Variants in CLASP2 observed in about 807,000 individuals in gnomAD.
CLASP2 encodes the protein cytoplasmic linker associated protein 2.
A neutral mutation model predicts 194.4 loss-of-function variants in CLASP2; 47 were observed. The ratio of observed to expected loss-of-function variants is 0.24; its 90% CI spans 0.19 to 0.31. The LOEUF is 0.31. Ranked by LOEUF, CLASP2 falls within the 10% of genes least tolerant of loss-of-function variation. CLASP2 has a pLI of 1.00. For missense variants in CLASP2, 1,445 were observed against 1,823.6 expected, an observed-to-expected ratio of 0.79 and a Z score of 3.78; for synonymous variants, 619 against 633.5, an observed-to-expected ratio of 0.98 and a Z score of 0.34.
chr3:33,501,502 A>C lies in CLASP2; in HGVS notation c.4434+150T>G, dbSNP rs1396363539. 4 of 561,766 alleles carry C rather than the reference A, an allele frequency of 7.1e-6. No homozygotes were observed. In the East Asian group the frequency reaches 1.2e-4, roughly 17 times the overall value. 34.8% of individuals were successfully genotyped at this position (561,766 alleles called of 1,614,324 possible). ...ACAAATGTTAGAGTAGAAAAAGATAAAATACAAAACAGAAATAATAAGGGC... is the reference window on the plus strand; with the variant it reads ...ACAAATGTTAGAGTAGAAAAAGATACAATACAAAACAGAAATAATAAGGGC... On this transcript the variant is annotated intron_variant, in intron 38 of 38. Coordinates refer to ENST00000682230, the MANE Select transcript of CLASP2 (RefSeq NM_001365631.1).
intron 6 of CLASP2, among the ~76,000 whole-genome samples, chr3:33,666,348 ATT>A (rs2086172422): frequency 6.6e-6 from 1 of 152,176 alleles, no homozygotes; most frequent in Non-Finnish European, 1.5e-5. Context: ...ATTAGCAATC[ATT>A]CCCCATTTAC....
chr3:33,608,680 C>T, intron 13 of CLASP2, 54 bp from the exon 14 acceptor site: 1 of 1,156,004 alleles, frequency 8.7e-7, no homozygotes, highest in Non-Finnish European at 1.2e-6. Context: ...AATACATTAA[C>T]ACTTTCTTTT....
chr3:33,516,540 G>A (rs1412030876), intron 35 of CLASP2, among the ~76,000 whole-genome samples: 1 of 152,030 alleles, frequency 6.6e-6, no homozygotes, highest in African/African-American at 2.4e-5. Context: ...GGTGGCACGT[G>A]CTTATAATCC....
intron 6 of CLASP2, among the ~76,000 whole-genome samples, chr3:33,667,732 G>A (rs2086451672): frequency 1.3e-5 from 2 of 152,058 alleles, no homozygotes; most frequent in African/African-American, 2.4e-5. Context: ...AAGCACCACT[G>A]CTGAAAACAC....
intron 29 of CLASP2, among the ~76,000 whole-genome samples, chr3:33,554,116 T>A (rs1279946160): frequency 6.6e-6 from 1 of 151,236 alleles, no homozygotes; most frequent in Non-Finnish European, 1.5e-5. Flanking sequence ...TAATCCCAGC[T>A]ACTCGGGAGG....
At chr3:33,554,369 C>A (rs1308920168) in intron 29 of CLASP2, among the ~76,000 whole-genome samples, 3 of 152,012 alleles carry the variant, frequency 2.0e-5, no homozygotes, top group Admixed American at 2.0e-4. Context: ...CGAAGATGAA[C>A]CTGGAGGACA....
At chr3:33,524,499 C>T (rs1392620765) in intron 34 of CLASP2, among the ~76,000 whole-genome samples, 1 of 151,732 alleles carries the variant, frequency 6.6e-6, no homozygotes, top group Non-Finnish European at 1.5e-5. Flanking sequence ...AAAATACATA[C>T]AATTAGCCAG....
At chr3:33,605,629 G>GT (rs2073639819) in intron 16 of CLASP2, among the ~76,000 whole-genome samples, 1 of 152,000 alleles carries the variant, frequency 6.6e-6, no homozygotes, top group Admixed American at 6.6e-5. Flanking sequence ...TTACAGAGAA[G>GT]TTTTTTGGAA....
intron 8 of CLASP2, among the ~76,000 whole-genome samples, chr3:33,639,962 G>C (rs2080984208): frequency 6.6e-6 from 1 of 152,200 alleles, no homozygotes; most frequent in Admixed American, 6.5e-5. Flanking sequence ...ATAACCATGT[G>C]ATCTTGGGCA....
chr3:33,586,863 C>CA (rs1256027445), intron 21 of CLASP2, among the ~76,000 whole-genome samples: 1 of 151,778 alleles, frequency 6.6e-6, no homozygotes, highest in Non-Finnish European at 1.5e-5. Flanking sequence ...CACAGGATGT[C>CA]AAAAAAGAGA....
At chr3:33,644,725 T>TG (rs748371826) in intron 8 of CLASP2, 32 bp downstream of exon 8, 1 of 1,611,252 alleles carries the variant, frequency 6.2e-7, no homozygotes, top group African/African-American at 1.3e-5. Context: ...GCATGGAGCA[T>TG]GCATAACAGA....
chr3:33,675,972 T>C (rs1445187039), intron 6 of CLASP2, among the ~76,000 whole-genome samples: 1 of 151,128 alleles, frequency 6.6e-6, no homozygotes, highest in Non-Finnish European at 1.5e-5. Flanking sequence ...TGCTCATGGG[T>C]AGGAAGAATC....
intron 22 of CLASP2, among the ~76,000 whole-genome samples, chr3:33,582,518 G>C (rs983576819): frequency 6.6e-6 from 1 of 152,040 alleles, no homozygotes; most frequent in African/African-American, 2.4e-5. Context: ...AATTAGCTGG[G>C]GATGGTGGCA....
chr3:33,589,289 A>G (rs2068125745), intron 21 of CLASP2, among the ~76,000 whole-genome samples: 1 of 152,118 alleles, frequency 6.6e-6, no homozygotes, highest in South Asian at 2.1e-4. Context: ...ATATAGATCT[A>G]GTGCTCTCTC....
At chr3:33,551,944 T>G (rs111901348) in intron 29 of CLASP2, among the ~76,000 whole-genome samples, 2 of 151,556 alleles carry the variant, frequency 1.3e-5, no homozygotes, top group South Asian at 2.1e-4. Context: ...ATATAGTTTT[T>G]TTTTTTTTTT....
chr3:33,551,486 A>T (rs2059995201), intron 29 of CLASP2, 91 bp from the exon 30 acceptor site: 23 of 1,055,358 alleles, frequency 2.2e-5, no homozygotes, highest in Admixed American at 2.9e-5. Flanking sequence ...GATGATGATG[A>T]TTTTTTTTTT....
At chr3:33,655,890 A>C (rs2084103922) in intron 7 of CLASP2, among the ~76,000 whole-genome samples, 2 of 152,188 alleles carry the variant, frequency 1.3e-5, no homozygotes, top group Admixed American at 6.5e-5. Context: ...AAATGTTAAA[A>C]GTTTAGAAAG....
intron 30 of CLASP2, among the ~76,000 whole-genome samples, chr3:33,550,572 AATCTATGC>A (rs906150963): frequency 6.6e-6 from 1 of 151,968 alleles, no homozygotes; most frequent in Non-Finnish European, 1.5e-5. Flanking sequence ...ATAAAATAAT[AATCTATGC>A]TTTTGAGCAT....
intron 7 of CLASP2, among the ~76,000 whole-genome samples, chr3:33,655,826 A>G (rs1357667722): frequency 6.6e-6 from 1 of 152,182 alleles, no homozygotes; most frequent in Non-Finnish European, 1.5e-5. Flanking sequence ...TGGTTATATC[A>G]TCACTTTTAT....
Sources: allele counts gnomAD v4.1 joint callset (sites outside exome capture counted in the v4.1 genomes callset), GRCh38; gene constraint gnomAD v4.1.1; transcripts MANE v1.5; gene names NCBI Gene and HGNC (gene_info 2026-07-23, HGNC 2026-07-21).